Variants in EXOC6B observed in about 807,000 individuals in gnomAD.
EXOC6B encodes SEC15 homolog B.
EXOC6B carries 54 observed loss-of-function variants against 113.5 expected under a neutral mutation model. That is an observed-to-expected ratio of 0.48 (90% CI 0.38 to 0.60). EXOC6B has a LOEUF of 0.60. Among genes scored for constraint, EXOC6B ranks in the 20% least tolerant of loss-of-function variants. The probability of loss-of-function intolerance (pLI) is 0.00; values close to 1 mark genes in which losing one functional copy is unlikely to be tolerated. For missense variants in EXOC6B, 797 were observed against 977.5 expected, an observed-to-expected ratio of 0.82 and a Z score of 2.46; for synonymous variants, 357 against 339.0, an observed-to-expected ratio of 1.05 and a Z score of -0.58.
intron 6 of EXOC6B, among the ~76,000 whole-genome samples, chr2:72,601,126 G>GTA (rs1670404360): frequency 1.7e-3 from 2 of 1,182 alleles, no homozygotes; most frequent in African/African-American, 4.9e-3. Context: ...GTGTGTGTAT[G>GTA]TGTGTGTGTG....
chr2:72,222,732 T>C (rs974727551), intron 20 of EXOC6B, among the ~76,000 whole-genome samples: 3 of 152,148 alleles, frequency 2.0e-5, no homozygotes, highest in Non-Finnish European at 4.4e-5. Flanking sequence ...GAAAATATTA[T>C]TATTATTGCA....
intron 20 of EXOC6B, among the ~76,000 whole-genome samples, chr2:72,188,436 C>T (rs1416707862): frequency 6.6e-6 from 1 of 152,194 alleles, no homozygotes; most frequent in Non-Finnish European, 1.5e-5. Context: ...CATGTTGCTT[C>T]CCACAGTCTT....
At chr2:72,611,465 T>C (rs1434319479) in intron 6 of EXOC6B, among the ~76,000 whole-genome samples, 2 of 152,104 alleles carry the variant, frequency 1.3e-5, no homozygotes, top group Non-Finnish European at 2.9e-5. Context: ...AATAATGTGC[T>C]ACCCTGGACT....
chr2:72,475,626 T>C (rs1698691191), intron 17 of EXOC6B, among the ~76,000 whole-genome samples: 1 of 152,010 alleles, frequency 6.6e-6, no homozygotes, highest in African/African-American at 2.4e-5. Context: ...ATAATGAGTA[T>C]AGGCACCAGA....
chr2:72,590,704 G>A (rs1156827119), intron 6 of EXOC6B, among the ~76,000 whole-genome samples: 1 of 151,906 alleles, frequency 6.6e-6, no homozygotes, highest in African/African-American at 2.4e-5. Context: ...TGCTAACATA[G>A]AAGGTATATT....
chr2:72,793,643 G>T (rs1356896015), intron 1 of EXOC6B, among the ~76,000 whole-genome samples: 1 of 152,180 alleles, frequency 6.6e-6, no homozygotes, highest in Non-Finnish European at 1.5e-5. Flanking sequence ...AAGTATGGCT[G>T]TCAGGTAGAA....
At chr2:72,218,861 T>C (rs1001315303) in intron 20 of EXOC6B, among the ~76,000 whole-genome samples, 3 of 151,348 alleles carry the variant, frequency 2.0e-5, no homozygotes, top group African/African-American at 7.3e-5. Context: ...CAGGGTTTCA[T>C]CACATTGGCC....
At chr2:72,564,152 A>G (rs957220485) in intron 7 of EXOC6B, among the ~76,000 whole-genome samples, 2 of 152,206 alleles carry the variant, frequency 1.3e-5, no homozygotes, top group African/African-American at 4.8e-5. Context: ...GGAGCGATAT[A>G]CTATGACAGA....
chr2:72,686,282 G>A (rs932421419), intron 6 of EXOC6B, among the ~76,000 whole-genome samples: 3 of 152,142 alleles, frequency 2.0e-5, no homozygotes, highest in African/African-American at 7.2e-5. Flanking sequence ...AGGAATGAAA[G>A]AAGCATGATA....
intron 20 of EXOC6B, among the ~76,000 whole-genome samples, chr2:72,323,205 T>A (rs1687940398): frequency 6.6e-6 from 1 of 152,162 alleles, no homozygotes; most frequent in South Asian, 2.1e-4. Flanking sequence ...AAAGAAGACA[T>A]TTATGCAGCC....
intron 17 of EXOC6B, among the ~76,000 whole-genome samples, chr2:72,471,645 G>T (rs1698418013): frequency 6.6e-6 from 1 of 152,102 alleles, no homozygotes; most frequent in Non-Finnish European, 1.5e-5. Context: ...CGTATCATCA[G>T]CAAAGAAGGA....
intron 20 of EXOC6B, among the ~76,000 whole-genome samples, chr2:72,214,060 C>T (rs935111356): frequency 7.2e-5 from 11 of 152,184 alleles, no homozygotes; most frequent in East Asian, 1.9e-4. Flanking sequence ...TGCCCACCAC[C>T]CCATAAAGCC....
rs527309486 is a variant in EXOC6B, at chr2:72,435,601, A to C, written c.1980+29559T>G. 1.8e-3 allele frequency among the ~76,000 whole-genome samples: 279 copies of C among 152,122 alleles called. 4 individuals carry two copies. Among genetic ancestry groups the C allele is most frequent in the Non-Finnish European group, 3.1e-4 (21 of 67,976 alleles). ...AATCTGGGTGCTCCTGTATTGGGTGAATATATATTTAGGATAGTTGGCTCT... is the reference window on the plus strand; with the variant it reads ...AATCTGGGTGCTCCTGTATTGGGTGCATATATATTTAGGATAGTTGGCTCT... On this transcript the variant is annotated intron_variant, in intron 18 of 21. Transcript: ENST00000272427.
rs761330778 is a variant in EXOC6B at position 72,379,766 on chromosome 2, T to C, written c.2085A>G (p.Ala695=). Reference sequence around the variant, plus strand: ...TGACGTCCAAGTTGAACTGCTGTAATGCTCCCAAGGTGAGCTGCCGCACTT... The same window carrying C: ...TGACGTCCAAGTTGAACTGCTGTAACGCTCCCAAGGTGAGCTGCCGCACTT... ...EAEVRQLTLG[A]LQQFNLDVRE... The change falls in exon 19 of 22, where the codon GCA becomes GCG. Residue 695 remains alanine (A), a synonymous_variant. Coordinates refer to ENST00000272427, the MANE Select transcript of EXOC6B (RefSeq NM_015189.3). 20 of 1,613,370 alleles carry C rather than the reference T, an allele frequency of 1.2e-5. No individual in the cohort carries two copies. Among genetic ancestry groups the C allele is most frequent in the South Asian group, 7.7e-5 (7 of 90,966 alleles).
intron 16 of EXOC6B, among the ~76,000 whole-genome samples, chr2:72,489,406 T>C (rs932193799): frequency 1.8e-4 from 27 of 152,220 alleles, no homozygotes; most frequent in Admixed American, 2.0e-4. Context: ...GAACCTCTTG[T>C]TCTAATTTTT....
At chr2:72,822,253 C>T (rs538378183) in intron 1 of EXOC6B, among the ~76,000 whole-genome samples, 2 of 152,276 alleles carry the variant, frequency 1.3e-5, no homozygotes, top group South Asian at 2.1e-4. Context: ...GACAGGCAGG[C>T]TTTAACATCT....
At chr2:72,619,675 A>T (rs1210554828) in intron 6 of EXOC6B, among the ~76,000 whole-genome samples, 1 of 152,144 alleles carries the variant, frequency 6.6e-6, no homozygotes, top group African/African-American at 2.4e-5. Context: ...AAGAGGGGGA[A>T]ATCTGGAAGC....
chr2:72,518,846 G>A (rs1412369668), intron 8 of EXOC6B, among the ~76,000 whole-genome samples: 2 of 152,034 alleles, frequency 1.3e-5, no homozygotes, highest in Non-Finnish European at 2.9e-5. Flanking sequence ...GTAAAGAAAG[G>A]GAAAAATTAA....
chr2:72,475,167 CCAG>C (rs1698658716), intron 17 of EXOC6B, among the ~76,000 whole-genome samples: 1 of 152,020 alleles, frequency 6.6e-6, no homozygotes, highest in Admixed American at 6.5e-5. Flanking sequence ...TCTTTGGGCT[CCAG>C]GGTGGTCTGG....
Sources: gnomAD v4.1 joint callset for allele counts (sites outside exome capture counted in the v4.1 genomes callset) on GRCh38, gnomAD v4.1.1 for gene constraint, MANE v1.5 for transcripts, NCBI Gene and HGNC (gene_info 2026-07-23, HGNC 2026-07-21) for gene names.